Variants in ZNF45 observed in about 807,000 individuals in gnomAD.
ZNF45 encodes BRC1744.
Under a neutral mutation model 12.0 loss-of-function variants are expected in ZNF45, and 4 were observed. The observed-to-expected ratio is 0.33, with a 90% CI of 0.16 to 0.76. The LOEUF (loss-of-function observed/expected upper bound fraction) is 0.76. ZNF45 is among the 30% of genes least tolerant of loss of function. The pLI is 0.60. For missense variants in ZNF45, 700 were observed against 813.0 expected, an observed-to-expected ratio of 0.86 and a Z score of 1.69; for synonymous variants, 272 against 279.6, an observed-to-expected ratio of 0.97 and a Z score of 0.27.
chr19:43,913,822 A>G lies in ZNF45; in HGVS notation c.1614T>C (p.Ser538=). The G allele has an allele frequency of 6.2e-7, 1 of 1,612,456 alleles. No homozygotes were observed. Residue 538 remains serine (S), a synonymous_variant, in exon 10 of 10, where the codon AGT becomes AGC. Coordinates refer to ENST00000269973, the MANE Select transcript of ZNF45 (RefSeq NM_003425.4). ...YQCAECGKGF[S]VGSQLQAHQR... is the part of the protein sequence containing the mutation. ...GATGGGCTTGAAGCTGTGAACCTACACTGAAGCCCTTCCCACACTCTGCAC... is the reference window on the plus strand; with the variant it reads ...GATGGGCTTGAAGCTGTGAACCTACGCTGAAGCCCTTCCCACACTCTGCAC...
chr19:43,913,858 T>C lies in ZNF45; in HGVS notation c.1578A>G (p.Lys526=), dbSNP rs527688728. 173 of 1,613,680 alleles carry C rather than the reference T, an allele frequency of 1.1e-4. No homozygotes were observed. The South Asian group carries it at 1.8e-3, about 16-fold the overall frequency. The change falls in exon 10 of 10, where the codon AAA becomes AAG. Residue 526 remains lysine, a synonymous_variant. Transcript: ENST00000269973. ...TCCCACACTCTGCACACTGATATGG[T>C]TTCTCTCCAGTGTGAACTCTCTGAT... ...QVHQRVHTGE[K]PYQCAECGKG... is the part of the protein sequence containing the mutation.
intron 7 of ZNF45, among the ~76,000 whole-genome samples, chr19:43,920,931 A>G (rs948430553): frequency 1.3e-5 from 2 of 152,062 alleles, no homozygotes; most frequent in Non-Finnish European, 2.9e-5. Flanking sequence ...AACTTTTCAT[A>G]TGAAGACTGT....
At position 43,913,604 on chromosome 19, in the gene ZNF45, G is replaced by A; in HGVS notation, c.1832C>T (p.Pro611Leu). 1.9e-6 allele frequency: 3 copies of A among 1,614,084 alleles called. No homozygotes were observed. The highest frequency in any genetic ancestry group is 1.7e-6 in the Non-Finnish European group (2 of 1,180,006). Reference protein sequence around the residue: ...AHQRVHTGERPYKCEECGKVF... With the variant: ...AHQRVHTGERLYKCEECGKVF... Reference sequence around the variant, plus strand: ...TTTCCCACATTCCTCACATTTGTATGGTCTCTCTCCTGTGTGGACCCTCTG... The same window carrying A: ...TTTCCCACATTCCTCACATTTGTATAGTCTCTCTCCTGTGTGGACCCTCTG... Residue 611 changes from proline to leucine, a missense_variant, in exon 10 of 10, where the codon CCA (proline) becomes CTA (leucine). Physicochemically the swap from Pro to Leu is moderately conservative, Grantham distance 98. Transcript: ENST00000269973.
chr19:43,914,191 C>G lies in ZNF45; in HGVS notation c.1245G>C (p.Pro415=), dbSNP rs406968. The change falls in exon 10 of 10, where the codon CCG becomes CCC. Residue 415 remains proline (P), a synonymous_variant. Transcript: ENST00000269973. The part of the protein sequence containing the change: ...DHQRGHTGEK[P]YQCDACGKGF... Reference sequence around the variant, plus strand: ...CCTTACCACATGCATCACACTGATACGGTTTCTCTCCAGTATGGCCTCTTT... The same window carrying G: ...CCTTACCACATGCATCACACTGATAGGGTTTCTCTCCAGTATGGCCTCTTT... 2.5e-6 allele frequency: 4 copies of G among 1,613,290 alleles called. No homozygotes were observed. Among genetic ancestry groups the G allele is most frequent in the Non-Finnish European group, 3.4e-6 (4 of 1,179,824 alleles).
intron 9 of ZNF45, among the ~76,000 whole-genome samples, chr19:43,918,444 T>A (rs550790011): frequency 6.6e-6 from 1 of 152,302 alleles, no homozygotes; most frequent in African/African-American, 2.4e-5. Context: ...GGCAGATCTT[T>A]CATGAATAGG....
chr19:43,932,581 G>A (rs8100011), intron 3 of ZNF45, 23 bp downstream of exon 3: 58,916 of 151,944 alleles, frequency 0.39, 12,905 homozygotes, highest in South Asian at 0.52. Flanking sequence ...GATGCCTGTT[G>A]GAGAGCTACA....
At chr19:43,922,921 GCTCAAGCGATCCTCCCAC>G (rs1000787013) in intron 6 of ZNF45, among the ~76,000 whole-genome samples, 14 of 150,138 alleles carry the variant, frequency 9.3e-5, no homozygotes, top group Non-Finnish European at 1.9e-4. Flanking sequence ...GACCTCCTGG[GCTCAAGCGATCCTCCCAC>G]CTCAGCCTCC....
chr19:43,925,216 T>C (rs181102081), intron 4 of ZNF45, 109 bp downstream of exon 4: 5 of 152,330 alleles, frequency 3.3e-5, no homozygotes, highest in Non-Finnish European at 7.4e-5. Context: ...AGTGACTTGA[T>C]CATGGACTTC....
chr19:43,919,487 G>T, intron 8 of ZNF45, 86 bp downstream of exon 8: 1 of 1,476,724 alleles, frequency 6.8e-7, no homozygotes, highest in Non-Finnish European at 9.1e-7. Flanking sequence ...CTGAAAACCA[G>T]TTCAAGAGCT....
chr19:43,914,179 A>C lies in ZNF45; in HGVS notation c.1257T>G (p.Asp419Glu), dbSNP rs768780343. The change falls in exon 10 of 10, where the codon GAT (aspartate) becomes GAG (glutamate). Residue 419 changes from aspartate to glutamate, a missense_variant. By Grantham distance (45) the Asp-to-Glu change is conservative. Coordinates refer to ENST00000269973, the MANE Select transcript of ZNF45 (RefSeq NM_003425.4). ...GHTGEKPYQC[D>E]ACGKGFSRSS... ...TACGACTGAAGCCCTTACCACATGC[A>C]TCACACTGATACGGTTTCTCTCCAG... 6.2e-7 allele frequency: 1 copy of C among 1,607,976 alleles called. No individual in the cohort carries two copies. The highest frequency in any genetic ancestry group is 8.5e-7 in the Non-Finnish European group (1 of 1,175,500).
intron 3 of ZNF45, among the ~76,000 whole-genome samples, chr19:43,929,578 T>TGTACC (rs2147170066): frequency 6.6e-6 from 1 of 152,322 alleles, no homozygotes; most frequent in African/African-American, 2.4e-5. Flanking sequence ...TGTGGTGTGA[T>TGTACC]GTACCAGTGG....
chr19:43,917,097 G>C (rs144406029), intron 9 of ZNF45, among the ~76,000 whole-genome samples: 27 of 152,270 alleles, frequency 1.8e-4, no homozygotes, highest in African/African-American at 5.3e-4. Context: ...TCAAACTGAA[G>C]GCTAGGACTA....
At position 43,914,512 on chromosome 19, in the gene ZNF45, C is replaced by A; in HGVS notation, c.924G>T (p.Glu308Asp). The A allele has an allele frequency of 6.2e-7, 1 of 1,613,158 alleles. No homozygotes were observed. The highest frequency in any genetic ancestry group is 1.3e-5 in the African/African-American group (1 of 75,010). The change falls in exon 10 of 10, where the codon GAG becomes GAT. Residue 308 changes from glutamate to aspartate, a missense_variant. Physicochemically the swap from Glu to Asp is conservative, Grantham distance 45 (BLOSUM62 2). Coordinates refer to ENST00000269973, the MANE Select transcript of ZNF45 (RefSeq NM_003425.4). The part of the protein sequence containing the change: ...HTGKKPYKCE[E>D]CGKSFSWRSR... The stretch of plus-strand genomic sequence containing the variant: ...AACGCCAACTGAAGCTCTTCCCACA[C>A]TCTTCACACTTATATGGTTTCTTTC...
At chr19:43,917,939 A>C (rs1422560374) in intron 9 of ZNF45, among the ~76,000 whole-genome samples, 1 of 152,218 alleles carries the variant, frequency 6.6e-6, no homozygotes. Context: ...ACTAAAATCT[A>C]CCTTCTTTAG....
chr19:43,932,417 C>A (rs1974204695), intron 3 of ZNF45, 187 bp downstream of exon 3: 1 of 152,176 alleles, frequency 6.6e-6, no homozygotes, highest in East Asian at 1.9e-4. Flanking sequence ...TGTTTTAGAT[C>A]TTGACAATAT....
chr19:43,932,886 G>A (rs1974246846), intron 2 of ZNF45, among the ~76,000 whole-genome samples, 196 bp from the exon 3 acceptor site: 1 of 152,186 alleles, frequency 6.6e-6, no homozygotes, highest in African/African-American at 2.4e-5. Flanking sequence ...GCTGAATTGT[G>A]TGTGCCTCTC....
intron 7 of ZNF45, 96 bp downstream of exon 7, chr19:43,922,075 C>G (rs911051184): frequency 7.6e-6 from 10 of 1,316,490 alleles, no homozygotes; most frequent in Non-Finnish European, 1.1e-5. Flanking sequence ...AAATGTCTAC[C>G]GTTCTCCTTC....
intron 3 of ZNF45, among the ~76,000 whole-genome samples, chr19:43,931,579 A>C (rs1297627936): frequency 6.6e-6 from 1 of 151,910 alleles, no homozygotes; most frequent in African/African-American, 2.4e-5. Context: ...TTGCTCCTTC[A>C]ATAACTTGTT....
At chr19:43,919,521 C>G (rs759145751) in intron 8 of ZNF45, 52 bp downstream of exon 8, 3 of 1,587,484 alleles carry the variant, frequency 1.9e-6, no homozygotes, top group Non-Finnish European at 2.6e-6. Context: ...TACCCAAGGA[C>G]AGAGAGACAA....
Sources: allele counts gnomAD v4.1 joint callset (sites outside exome capture counted in the v4.1 genomes callset), GRCh38; gene constraint gnomAD v4.1.1; transcripts MANE v1.5; gene names NCBI Gene and HGNC (gene_info 2026-07-23, HGNC 2026-07-21).